Variants in CKAP5 observed in about 807,000 individuals in gnomAD.
CKAP5 encodes cytoskeleton associated protein 5, also known as cytoskeleton-associated protein 5.
A neutral mutation model predicts 232.8 loss-of-function variants in CKAP5; 27 were observed. The observed-to-expected ratio is 0.12, with a 90% CI of 0.09 to 0.16. CKAP5 has a LOEUF of 0.16. CKAP5 is among the 10% of genes least tolerant of loss of function. CKAP5 has a pLI of 1.00. For synonymous variants in CKAP5, 785 were observed against 841.1 expected, an observed-to-expected ratio of 0.93 and a Z score of 1.16; for missense variants, 1,838 against 2,424.7, an observed-to-expected ratio of 0.76 and a Z score of 5.08.
At chr11:46,755,115 A>C (rs754803792) in intron 35 of CKAP5, 48 bp from the exon 36 acceptor site, 34 of 1,448,326 alleles carry the variant, frequency 2.3e-5, no homozygotes, top group Non-Finnish European at 2.1e-5. Flanking sequence ...CATACTTCTA[A>C]AATAGCGGAA....
intron 4 of CKAP5, among the ~76,000 whole-genome samples, chr11:46,814,969 A>G (rs1939364387): frequency 6.6e-6 from 1 of 152,178 alleles, no homozygotes; most frequent in African/African-American, 2.4e-5. Context: ...CTGCTTAAAT[A>G]CCCTGAGGAG....
chr11:46,774,446 T>A (rs2065274993), intron 24 of CKAP5, among the ~76,000 whole-genome samples: 1 of 152,210 alleles, frequency 6.6e-6, no homozygotes, highest in African/African-American at 2.4e-5. Flanking sequence ...GCTATTCCCA[T>A]CAAGCTACCA....
chr11:46,799,311 C>A (rs2134653571), intron 9 of CKAP5, among the ~76,000 whole-genome samples: 1 of 152,248 alleles, frequency 6.6e-6, no homozygotes. Context: ...AGCTCAATGG[C>A]ATCCAAAAAC....
chr11:46,818,655 T>C (rs1939460856), intron 2 of CKAP5, 152 bp from the exon 3 acceptor site: 1 of 557,920 alleles, frequency 1.8e-6, no homozygotes. Flanking sequence ...GAAAAAAGAG[T>C]TTAAGAAATT....
chr11:46,804,654 G>A (rs942776930), intron 8 of CKAP5, among the ~76,000 whole-genome samples: 5 of 152,062 alleles, frequency 3.3e-5, no homozygotes, highest in East Asian at 1.9e-4. Flanking sequence ...AAAGCACACC[G>A]TTGACAGAGG....
At chr11:46,785,197 C>T (rs1301164714) in intron 16 of CKAP5, among the ~76,000 whole-genome samples, 1 of 152,166 alleles carries the variant, frequency 6.6e-6, no homozygotes, top group Non-Finnish European at 1.5e-5. Context: ...ATTGTGATGG[C>T]AGACCTATGG....
intron 1 of CKAP5, among the ~76,000 whole-genome samples, chr11:46,837,374 T>C (rs116426561): frequency 0.012 from 1,774 of 152,300 alleles, 21 homozygotes; most frequent in Middle Eastern, 0.017. Flanking sequence ...TCGTTTAACT[T>C]AATATAGACA....
intron 1 of CKAP5, among the ~76,000 whole-genome samples, chr11:46,845,206 T>G (rs1447968801): frequency 6.6e-6 from 1 of 152,124 alleles, no homozygotes; most frequent in Non-Finnish European, 1.5e-5. Context: ...AAGGAGGAGC[T>G]CACCTTTCTA....
In CKAP5 at chr11:46,778,428, T is replaced by C. The variant is rs72895820; in HGVS notation, c.2573+32A>G. 10,907 of 1,613,176 alleles carry C rather than the reference T, an allele frequency of 6.8e-3. 57 individuals are homozygous for C. Among genetic ancestry groups the C allele is most frequent in the Middle Eastern group, 0.015 (90 of 6,054 alleles). On this transcript the variant is annotated intron_variant, in intron 21 of 43. Transcript: ENST00000529230. ...AACATTCTGAATTCAATACAATGAA[T>C]GAAATAAACCATTTCACAGACTGGA... is the stretch of plus-strand genomic sequence containing the variant.
chr11:46,777,030 A>T (rs1236679226), intron 23 of CKAP5, among the ~76,000 whole-genome samples: 1 of 152,150 alleles, frequency 6.6e-6, no homozygotes, highest in East Asian at 1.9e-4. Flanking sequence ...AGTAGAAAAT[A>T]ACTTAATGAA....
chr11:46,783,241 A>T, intron 18 of CKAP5, 33 bp downstream of exon 18: 1 of 1,220,630 alleles, frequency 8.2e-7, no homozygotes, highest in Non-Finnish European at 1.2e-6. Context: ...CAGAACATTT[A>T]ACTATTTTCC....
intron 8 of CKAP5, chr11:46,802,399 A>C (rs1195513276): frequency 1.3e-5 from 2 of 152,164 alleles, no homozygotes; most frequent in Non-Finnish European, 2.9e-5. Context: ...ATATAATAAT[A>C]CAGGCAGTGT....
intron 8 of CKAP5, among the ~76,000 whole-genome samples, chr11:46,804,779 A>G (rs1387065831): frequency 6.6e-6 from 1 of 151,924 alleles, no homozygotes; most frequent in African/African-American, 2.4e-5. Context: ...AAAGATTAAT[A>G]CCACATAGAA....
chr11:46,761,248 C>CAAAAA (rs59147777), intron 32 of CKAP5, among the ~76,000 whole-genome samples: 3 of 85,342 alleles, frequency 3.5e-5, no homozygotes, highest in African/African-American at 1.2e-4. Flanking sequence ...GACCCTGTCT[C>CAAAAA]AAAAAAAAAA....
chr11:46,752,669 G>T lies in CKAP5; in HGVS notation c.5099C>A (p.Ala1700Asp), dbSNP rs2065078671. The T allele has an allele frequency of 1.2e-6, 2 of 1,612,946 alleles. No individual in the cohort carries two copies. The highest frequency in any genetic ancestry group is 1.7e-6 in the Non-Finnish European group (2 of 1,179,384). The change falls in exon 38 of 44, where the codon GCC becomes GAC. Residue 1700 changes from alanine to aspartate, a missense_variant. Physicochemically the swap from Ala to Asp is moderately radical, Grantham distance 126. This residue lies in a region of CKAP5 where 579 missense variants were observed against 843.2 expected (regional missense o/e 0.69). Coordinates refer to ENST00000529230, the MANE Select transcript of CKAP5 (RefSeq NM_001008938.4). ...VLLQDSLLATASSPKFSELVM... is the reference protein window; with the variant it reads ...VLLQDSLLATDSSPKFSELVM... ...AAGCTCTGAGAATTTGGGAGAACTG[G>T]CTGTTGCTAGCAGGCTGTCTTGGAG...
At chr11:46,799,244 T>G (rs1938970538) in intron 9 of CKAP5, among the ~76,000 whole-genome samples, 1 of 152,068 alleles carries the variant, frequency 6.6e-6, no homozygotes, top group Admixed American at 6.6e-5. Context: ...AGACGGGGGT[T>G]TCTCCATGTT....
intron 1 of CKAP5, among the ~76,000 whole-genome samples, chr11:46,839,718 G>A (rs1421377947): frequency 1.3e-5 from 2 of 152,138 alleles, no homozygotes; most frequent in African/African-American, 2.4e-5. Context: ...TAAGAGCAAA[G>A]GCCCTGGAGA....
intron 35 of CKAP5, among the ~76,000 whole-genome samples, chr11:46,757,475 G>A (rs1309619167): frequency 5.9e-5 from 9 of 151,658 alleles, no homozygotes; most frequent in Non-Finnish European, 8.8e-5. Flanking sequence ...ACTTGGCAAC[G>A]GCGAGACTCC....
rs1343694859 is a variant in CKAP5 at position 46,743,270 on chromosome 11, T to C, written c.*753A>G. ...CCCAAGAGCTTCTTGAAACGACTGGTGATAATTGGAGGGAAATCATGACCA... is the reference window on the plus strand; with the variant it reads ...CCCAAGAGCTTCTTGAAACGACTGGCGATAATTGGAGGGAAATCATGACCA... On this transcript the variant is annotated 3_prime_UTR_variant, in exon 44 of 44. Coordinates refer to ENST00000529230, the MANE Select transcript of CKAP5 (RefSeq NM_001008938.4). 2.0e-5 allele frequency: 3 copies of C among 152,084 alleles called. No homozygotes were observed. Among genetic ancestry groups the C allele is most frequent in the African/African-American group, 7.2e-5 (3 of 41,410 alleles). The allele number at this position is 152,084 out of a possible 1,614,324, so 9.4% of individuals were successfully genotyped here.
Sources: allele counts gnomAD v4.1 joint callset (sites outside exome capture counted in the v4.1 genomes callset), GRCh38; gene constraint gnomAD v4.1.1; regional missense constraint gnomAD v4.1.1; transcripts MANE v1.5; gene names NCBI Gene and HGNC (gene_info 2026-07-23, HGNC 2026-07-21).